GATA4: variants seen among roughly 807,000 people sequenced by gnomAD.
GATA4 encodes GATA binding protein 4.
Under a neutral mutation model 37.9 loss-of-function variants are expected in GATA4, and 7 were observed. That is an observed-to-expected ratio of 0.18 (90% CI 0.11 to 0.35). The LOEUF is 0.35. Among genes scored for constraint, GATA4 ranks in the 10% least tolerant of loss-of-function variants. The pLI is 1.00. For synonymous variants in GATA4, 372 were observed against 292.6 expected, an observed-to-expected ratio of 1.27 and a Z score of -2.77; for missense variants, 647 against 653.0, an observed-to-expected ratio of 0.99 and a Z score of 0.10.
intron 4 of GATA4, among the ~76,000 whole-genome samples, chr8:11,752,612 A>C (rs1208480818): frequency 1.3e-5 from 2 of 152,240 alleles, no homozygotes; most frequent in Non-Finnish European, 2.9e-5. Context: ...TTTGGTGGGG[A>C]CACAGCCAAA....
chr8:11,696,902 T>C (rs1343983531), intron 1 of GATA4, among the ~76,000 whole-genome samples: 1 of 152,226 alleles, frequency 6.6e-6, no homozygotes, highest in Non-Finnish European at 1.5e-5. Flanking sequence ...ACCCATCTGC[T>C]CAGGGAGAGT....
Position 11,749,071 on chromosome 8 carries a change from C to G in GATA4, c.772C>G (p.Pro258Ala). 1 of 1,614,210 alleles carries G rather than the reference C, an allele frequency of 6.2e-7. No individual in the cohort carries two copies. Among genetic ancestry groups the G allele is most frequent in the Non-Finnish European group, 8.5e-7 (1 of 1,180,030 alleles). Residue 258 changes from proline to alanine, a missense_variant, in exon 3 of 7, where the codon CCT becomes GCT. By Grantham distance (27) the Pro-to-Ala change is conservative (BLOSUM62 -1). Around this residue, in one of 5 missense-constraint regions of GATA4, gnomAD observed 56 missense variants for 64.5 expected, o/e 0.87. Coordinates refer to ENST00000532059, the MANE Select transcript of GATA4 (RefSeq NM_001308093.3). The surrounding 1 kb of genome is among the most constrained non-coding windows in gnomAD (Gnocchi z 4.6). Reference protein sequence around the residue: ...MNGINRPLIKPQRRLSASRRV... With the variant: ...MNGINRPLIKAQRRLSASRRV... ...CGGCATCAACCGGCCGCTCATCAAGCCTCAGCGCCGGCTGGTAAGCACGTG... is the reference window on the plus strand; with the variant it reads ...CGGCATCAACCGGCCGCTCATCAAGGCTCAGCGCCGGCTGGTAAGCACGTG...
In GATA4 at chr8:11,732,328, A is replaced by C. The variant is rs190861629; in HGVS notation, c.617-16588A>C. Among the ~76,000 whole-genome samples the C allele has an allele frequency of 2.0e-5, 3 of 152,306 alleles. No homozygotes were observed. The East Asian group carries it at 5.8e-4, about 29-fold the overall frequency. ...ACGTATTGTCATCGAACTATTCTCC[A>C]GGGGCACTGATTTCAGTGCAGGTGC... On this transcript the variant is annotated intron_variant, in intron 2 of 6. Transcript: ENST00000532059.
At chr8:11,741,314 C>T (rs1801727419) in intron 2 of GATA4, among the ~76,000 whole-genome samples, 1 of 151,986 alleles carries the variant, frequency 6.6e-6, no homozygotes, top group Non-Finnish European at 1.5e-5. Context: ...CCCATCTCTA[C>T]AAAATGCTAG....
At chr8:11,693,562 C>CAGAGAGAGAGAGAGAG (rs139631153) in intron 1 of GATA4, among the ~76,000 whole-genome samples, 30 of 72,210 alleles carry the variant, frequency 4.2e-4, no homozygotes, top group South Asian at 1.4e-3. Context: ...CACACACACA[C>CAGAGAGAGAGAGAGAG]AGAGAGAGAG....
chr8:11,758,246 C>A, intron 6 of GATA4, 47 bp from the exon 7 acceptor site: 1 of 1,607,916 alleles, frequency 6.2e-7, no homozygotes, highest in African/African-American at 1.3e-5. Flanking sequence ...CTCCCAAGCC[C>A]TCAGGAGCGT....
intron 5 of GATA4, 156 bp from the exon 6 acceptor site, chr8:11,756,779 G>A: frequency 1.0e-6 from 1 of 962,586 alleles, no homozygotes; most frequent in Non-Finnish European, 1.7e-6. Context: ...ATCCCTGTGA[G>A]AACTGTAGCC....
intron 2 of GATA4, among the ~76,000 whole-genome samples, chr8:11,717,494 A>G (rs1800488070): frequency 6.6e-6 from 1 of 152,170 alleles, no homozygotes; most frequent in African/African-American, 2.4e-5. Flanking sequence ...CTGTAATCTC[A>G]GGTCCCCGTG....
At position 11,707,228 on chromosome 8, in the gene GATA4, G is replaced by C. The variant is rs1006223489; in HGVS notation, c.-457-628G>C. Among the ~76,000 whole-genome samples, 1 of 151,968 alleles carries C rather than the reference G, an allele frequency of 6.6e-6. No individual in the cohort carries two copies. Among genetic ancestry groups the C allele is most frequent in the Non-Finnish European group, 1.5e-5 (1 of 68,018 alleles). On this transcript the variant is annotated intron_variant, in intron 1 of 6. Transcript: ENST00000532059. The surrounding 1 kb of genome is among the most constrained non-coding windows in gnomAD (Gnocchi z 4.7). ...ACTTGTCCGATTTGACGTCCACATGGTTAGTGTATGGATGAGGGTTTCAGA... is the reference window on the plus strand; with the variant it reads ...ACTTGTCCGATTTGACGTCCACATGCTTAGTGTATGGATGAGGGTTTCAGA...
chr8:11,687,653 A>G (rs528990656), upstream of GATA4, among the ~76,000 whole-genome samples: 9 of 152,332 alleles, frequency 5.9e-5, 1 homozygote, highest in African/African-American at 2.2e-4. Flanking sequence ...AGGTCACAGT[A>G]CTAATAAGTA....
intron 1 of GATA4, among the ~76,000 whole-genome samples, chr8:11,686,726 G>A (rs778782695): frequency 7.9e-5 from 12 of 152,178 alleles, no homozygotes; most frequent in Non-Finnish European, 1.0e-4. Flanking sequence ...CAGGCTGGGC[G>A]CAGTAGCTCA....
chr8:11,688,781 T>C (rs1412777339), upstream of GATA4, among the ~76,000 whole-genome samples: 2 of 152,088 alleles, frequency 1.3e-5, no homozygotes, highest in East Asian at 1.9e-4. Context: ...AGGCAGAAAA[T>C]AAGACAAAGA....
chr8:11,713,421 C>G (rs1014026059), intron 2 of GATA4, among the ~76,000 whole-genome samples: 1 of 151,736 alleles, frequency 6.6e-6, no homozygotes, highest in Non-Finnish European at 1.5e-5. Context: ...GGTAATTGCC[C>G]CAGGACTCTG....
rs1256677363 is a variant in GATA4 at position 11,748,613 on chromosome 8, TA to T, written c.617-302del. 3.3e-5 allele frequency among the ~76,000 whole-genome samples: 5 copies of T among 152,174 alleles called. No individual in the cohort carries two copies. The East Asian group carries it at 9.6e-4, about 29-fold the overall frequency. ...GGACCTCAGTGTGAGGTGAGAGGCC[TA>T]GGGCTGGAGGCTCTGAATGTGATAC... On this transcript the variant is annotated intron_variant, in intron 2 of 6. Coordinates refer to ENST00000532059, the MANE Select transcript of GATA4 (RefSeq NM_001308093.3).
At chr8:11,741,761 A>G (rs1041447743) in intron 2 of GATA4, among the ~76,000 whole-genome samples, 1 of 152,220 alleles carries the variant, frequency 6.6e-6, no homozygotes, top group Non-Finnish European at 1.5e-5. Flanking sequence ...AAGCATTGAG[A>G]CAGAGATGTT....
At position 11,707,603 on chromosome 8, in the gene GATA4, C is replaced by A. The variant is rs552622576; in HGVS notation, c.-457-253C>A. On this transcript the variant is annotated intron_variant, in intron 1 of 6. Transcript: ENST00000532059. The surrounding 1 kb of genome is among the most constrained non-coding windows in gnomAD (Gnocchi z 4.7). ...CATTGACCAAGATCACAACCAATAA[C>A]TGCACACCAAAGACCCGGGAAGCCC... Among the ~76,000 whole-genome samples the A allele has an allele frequency of 5.9e-4, 90 of 152,322 alleles. No homozygotes were observed. Among genetic ancestry groups the A allele is most frequent in the Middle Eastern group, 3.4e-3 (1 of 294 alleles).
At chr8:11,754,523 C>T (rs907684346) in intron 4 of GATA4, among the ~76,000 whole-genome samples, 2 of 152,176 alleles carry the variant, frequency 1.3e-5, no homozygotes, top group African/African-American at 4.8e-5. Flanking sequence ...TGGCCTAGCA[C>T]CCACTTTTTG....
chr8:11,684,217 A>G (rs1470658007), intron 1 of GATA4, among the ~76,000 whole-genome samples: 2 of 152,200 alleles, frequency 1.3e-5, no homozygotes, highest in Non-Finnish European at 2.9e-5. Context: ...GTTATGGTGG[A>G]TATTTGCTGC....
intron 1 of GATA4, among the ~76,000 whole-genome samples, chr8:11,695,888 G>T (rs961949674): frequency 5.3e-5 from 8 of 152,174 alleles, no homozygotes; most frequent in African/African-American, 7.2e-5. Flanking sequence ...CATTCCTGTG[G>T]ACTGAGGATG....
Sources: gnomAD v4.1 joint callset for allele counts (sites outside exome capture counted in the v4.1 genomes callset) on GRCh38, gnomAD v4.1.1 for gene constraint, gnomAD v4.1.1 regional missense constraint, Gnocchi (gnomAD v3.1) non-coding constraint, MANE v1.5 for transcripts, NCBI Gene and HGNC (gene_info 2026-07-23, HGNC 2026-07-21) for gene names.